Variants in ZMAT4 observed in about 807,000 individuals in gnomAD.
ZMAT4 encodes zinc finger matrin-type 4.
In ZMAT4, 17 loss-of-function variants were observed where a neutral mutation model predicts 28.7. The ratio of observed to expected loss-of-function variants is 0.59; its 90% CI spans 0.41 to 0.89. The LOEUF (loss-of-function observed/expected upper bound fraction) is 0.89. Among genes scored for constraint, ZMAT4 ranks in the 40% least tolerant of loss-of-function variants. ZMAT4 has a pLI of 0.00. For missense variants in ZMAT4, 240 were observed against 283.8 expected (o/e 0.85, Z 1.11); for synonymous variants, 117 against 109.2 (o/e 1.07, Z -0.44).
chr8:40,556,668 T>C (rs967661895), intron 6 of ZMAT4, among the ~76,000 whole-genome samples: 1 of 152,194 alleles, frequency 6.6e-6, no homozygotes, highest in African/African-American at 2.4e-5. Flanking sequence ...TAAAATCACT[T>C]CCATGTGACT....
At chr8:40,794,930 C>G (rs1176759822) in intron 2 of ZMAT4, among the ~76,000 whole-genome samples, 1 of 152,068 alleles carries the variant, frequency 6.6e-6, no homozygotes, top group Non-Finnish European at 1.5e-5. Flanking sequence ...TCTCATTTTC[C>G]TGACAGCAGA....
At chr8:40,631,283 G>A (rs1454862713) in intron 5 of ZMAT4, among the ~76,000 whole-genome samples, 5 of 152,060 alleles carry the variant, frequency 3.3e-5, no homozygotes, top group East Asian at 3.9e-4. Flanking sequence ...TCAGCCTCCC[G>A]AGTAGTTGGG....
intron 5 of ZMAT4, among the ~76,000 whole-genome samples, chr8:40,651,997 A>T (rs1236037859): frequency 0.051 from 3,011 of 58,798 alleles, no homozygotes; most frequent in Non-Finnish European, 0.06. Context: ...AAACCTAGGC[A>T]TTACCATTCA....
At chr8:40,596,913 C>T (rs1000881434) in intron 5 of ZMAT4, among the ~76,000 whole-genome samples, 31 of 152,250 alleles carry the variant, frequency 2.0e-4, no homozygotes, top group Non-Finnish European at 4.3e-4. Context: ...AGCTCTGGGG[C>T]CAGTTGACTG....
intron 1 of ZMAT4, among the ~76,000 whole-genome samples, chr8:40,841,353 C>T (rs572806206): frequency 1.4e-4 from 21 of 152,306 alleles, no homozygotes; most frequent in Non-Finnish European, 2.1e-4. Context: ...CTCAGCTGCA[C>T]GACCAACCAA....
intron 1 of ZMAT4, among the ~76,000 whole-genome samples, chr8:40,837,522 C>A (rs1206299159): frequency 1.3e-5 from 2 of 152,206 alleles, no homozygotes; most frequent in African/African-American, 2.4e-5. Context: ...AAAGAATACA[C>A]AAAGTGCACT....
chr8:40,620,129 G>A (rs1379704276), intron 5 of ZMAT4, among the ~76,000 whole-genome samples: 2 of 152,164 alleles, frequency 1.3e-5, no homozygotes, highest in East Asian at 3.9e-4. Context: ...TCCTGAAATA[G>A]GAGAGTATCT....
chr8:40,672,535 T>A (rs555077027), intron 5 of ZMAT4, among the ~76,000 whole-genome samples: 1 of 152,200 alleles, frequency 6.6e-6, no homozygotes, highest in African/African-American at 2.4e-5. Context: ...GCAGCCTTTT[T>A]GTCTTCTGTA....
At chr8:40,856,864 G>A (rs961465488) in intron 1 of ZMAT4, among the ~76,000 whole-genome samples, 1 of 152,154 alleles carries the variant, frequency 6.6e-6, no homozygotes, top group African/African-American at 2.4e-5. Flanking sequence ...CAGGAGCCCC[G>A]TGGATGAACC....
intron 5 of ZMAT4, among the ~76,000 whole-genome samples, chr8:40,618,569 T>C (rs1266102667): frequency 6.6e-6 from 1 of 151,934 alleles, no homozygotes; most frequent in Non-Finnish European, 1.5e-5. Flanking sequence ...TTGATACCTT[T>C]AAATCCAAGC....
intron 1 of ZMAT4, 74 bp from the exon 2 acceptor site, chr8:40,825,754 A>G: frequency 8.1e-7 from 1 of 1,235,816 alleles, no homozygotes. Flanking sequence ...ACCGTATGAA[A>G]AGCCAGGATC....
intron 3 of ZMAT4, among the ~76,000 whole-genome samples, chr8:40,748,313 G>C (rs1230992761): frequency 2.0e-5 from 3 of 152,212 alleles, no homozygotes; most frequent in African/African-American, 4.8e-5. Flanking sequence ...TAATGGCCTT[G>C]TACCATGTTC....
intron 1 of ZMAT4, among the ~76,000 whole-genome samples, chr8:40,895,835 TC>T (rs933637222): frequency 6.6e-6 from 1 of 152,160 alleles, no homozygotes; most frequent in Non-Finnish European, 1.5e-5. Context: ...TCATGCAAGA[TC>T]CCCCACGTGC....
chr8:40,749,439 C>T (rs1047195387), intron 3 of ZMAT4, among the ~76,000 whole-genome samples: 2 of 152,088 alleles, frequency 1.3e-5, no homozygotes, highest in Non-Finnish European at 2.9e-5. Flanking sequence ...CCAACTTGAC[C>T]CCAGGGGAGT....
chr8:40,700,992 T>C (rs963291063), intron 3 of ZMAT4, among the ~76,000 whole-genome samples: 2 of 152,058 alleles, frequency 1.3e-5, no homozygotes, highest in African/African-American at 2.4e-5. Flanking sequence ...GGTTCATTTG[T>C]GGGATTAGTA....
Position 40,728,158 on chromosome 8 carries a change from C to G in ZMAT4, c.193-30757G>C, listed in dbSNP as rs1811384825. On this transcript the variant is annotated intron_variant, in intron 3 of 6. Transcript: ENST00000297737. ...CACGAAATTATAAAACTGACAATGT[C>G]CTTAAGATAAAATTACAATAATGGT... Among the ~76,000 whole-genome samples the G allele has an allele frequency of 3.3e-5, 5 of 152,086 alleles. No homozygotes were observed. The South Asian group carries it at 1.0e-3, about 32-fold the overall frequency.
chr8:40,701,525 T>C (rs1045101789), intron 3 of ZMAT4, among the ~76,000 whole-genome samples: 28 of 138,996 alleles, frequency 2.0e-4, no homozygotes, highest in African/African-American at 7.3e-4. Context: ...TTTTTTTTTT[T>C]TTTTTTTTTT....
chr8:40,689,858 G>A (rs557643141), intron 4 of ZMAT4, among the ~76,000 whole-genome samples: 9 of 151,934 alleles, frequency 5.9e-5, no homozygotes, highest in African/African-American at 2.2e-4. Flanking sequence ...CTGAAACAAA[G>A]GTATAACAAC....
At chr8:40,619,964 G>C (rs868320527) in intron 5 of ZMAT4, among the ~76,000 whole-genome samples, 5 of 152,142 alleles carry the variant, frequency 3.3e-5, no homozygotes, top group African/African-American at 9.7e-5. Flanking sequence ...TAGTTTCTTT[G>C]AGTGAATCAC....
Sources: allele counts gnomAD v4.1 joint callset (sites outside exome capture counted in the v4.1 genomes callset), GRCh38; gene constraint gnomAD v4.1.1; transcripts MANE v1.5; gene names NCBI Gene and HGNC (gene_info 2026-07-23, HGNC 2026-07-21).